PTPRG: variants seen among roughly 807,000 people sequenced by gnomAD.
PTPRG encodes receptor-type tyrosine-protein phosphatase gamma.
In PTPRG, 102 loss-of-function variants were observed where a neutral mutation model predicts 165.3. That is an observed-to-expected ratio of 0.62 (90% CI 0.53 to 0.73). PTPRG has a LOEUF of 0.73. Among genes scored for constraint, PTPRG ranks in the 30% least tolerant of loss-of-function variants. The pLI is 0.00. For missense variants in PTPRG, 1,866 were observed against 1,861.4 expected (o/e 1.00, Z -0.05); for synonymous variants, 675 against 669.5 (o/e 1.01, Z -0.13).
At chr3:62,256,748 CAATT>C (rs1701545220) in intron 16 of PTPRG, among the ~76,000 whole-genome samples, 1 of 152,144 alleles carries the variant, frequency 6.6e-6, no homozygotes, top group South Asian at 2.1e-4. Context: ...TCCAGTTTCT[CAATT>C]ATTTATGATT....
chr3:61,679,039 A>G (rs981506859), intron 1 of PTPRG, among the ~76,000 whole-genome samples: 8 of 152,262 alleles, frequency 5.3e-5, no homozygotes, highest in Non-Finnish European at 1.2e-4. Context: ...AGGGAAGAAT[A>G]TTCACAAAGG....
chr3:61,568,953 A>C (rs58405467), intron 1 of PTPRG, among the ~76,000 whole-genome samples: 9 of 152,002 alleles, frequency 5.9e-5, no homozygotes, highest in Admixed American at 3.3e-4. Context: ...AGGGATAGGA[A>C]GAGGAATGAC....
chr3:62,205,062 A>G (rs547954960), intron 12 of PTPRG, among the ~76,000 whole-genome samples: 1 of 152,158 alleles, frequency 6.6e-6, no homozygotes, highest in South Asian at 2.1e-4. Flanking sequence ...AAACATTAAA[A>G]TTCATCTAAA....
intron 1 of PTPRG, among the ~76,000 whole-genome samples, chr3:61,692,483 C>G (rs2030284233): frequency 6.6e-6 from 1 of 152,178 alleles, no homozygotes; most frequent in Non-Finnish European, 1.5e-5. Context: ...TCATGCGCGT[C>G]CGTGTGAAGA....
At chr3:61,642,143 A>G (rs960458406) in intron 1 of PTPRG, among the ~76,000 whole-genome samples, 1 of 152,110 alleles carries the variant, frequency 6.6e-6, no homozygotes, top group Non-Finnish European at 1.5e-5. Flanking sequence ...ACCCCGAGTT[A>G]TTAAATTGGT....
At chr3:62,067,406 C>T (rs1051392056) in intron 4 of PTPRG, among the ~76,000 whole-genome samples, 15 of 151,994 alleles carry the variant, frequency 9.9e-5, no homozygotes, top group African/African-American at 3.6e-4. Context: ...CTTTTTGGCA[C>T]GAGGGACCGG....
rs773386198 is a variant in PTPRG, at chr3:62,190,536, A to C, written c.1034-933A>C. On this transcript the variant is annotated intron_variant, in intron 8 of 29. Coordinates refer to ENST00000474889, the MANE Select transcript of PTPRG (RefSeq NM_002841.4). The surrounding 1 kb of genome is among the most constrained non-coding windows in gnomAD (Gnocchi z 5.2). Reference sequence around the variant, plus strand: ...TAGATTTAGATCCACCGTGTCCCTTAAACCTCTCAGCCCCAAGGAATAAGA... The same window carrying C: ...TAGATTTAGATCCACCGTGTCCCTTCAACCTCTCAGCCCCAAGGAATAAGA... Among the ~76,000 whole-genome samples the C allele has an allele frequency of 6.6e-6, 1 of 152,132 alleles. No homozygotes were observed. The highest frequency in any genetic ancestry group is 2.4e-5 in the African/African-American group (1 of 41,414).
chr3:61,738,807 C>G (rs2032864130), intron 1 of PTPRG, among the ~76,000 whole-genome samples: 1 of 151,954 alleles, frequency 6.6e-6, no homozygotes, highest in South Asian at 2.1e-4. Flanking sequence ...CAAGGTCTTG[C>G]CCTGTTGCCC....
chr3:61,875,793 A>G (rs770231978), intron 2 of PTPRG, among the ~76,000 whole-genome samples: 5 of 152,100 alleles, frequency 3.3e-5, no homozygotes, highest in Non-Finnish European at 5.9e-5. Flanking sequence ...AGTTGGATAT[A>G]TATTCTTTTT....
At chr3:62,103,893 C>G (rs1702381587) in intron 5 of PTPRG, among the ~76,000 whole-genome samples, 1 of 152,166 alleles carries the variant, frequency 6.6e-6, no homozygotes, top group Non-Finnish European at 1.5e-5. Flanking sequence ...TTGCATTTTA[C>G]CAAGAGTTGC....
intron 4 of PTPRG, 40 bp downstream of exon 4, chr3:62,003,537 G>A (rs1284823034): frequency 2.5e-6 from 4 of 1,607,278 alleles, no homozygotes; most frequent in Non-Finnish European, 3.4e-6. Context: ...GCTGTGCTTC[G>A]GTCTTTATGT....
At chr3:61,961,787 T>C (rs1468313289) in intron 2 of PTPRG, among the ~76,000 whole-genome samples, 2 of 152,164 alleles carry the variant, frequency 1.3e-5, no homozygotes, top group African/African-American at 4.8e-5. Flanking sequence ...CCCAGGGGAC[T>C]TGTAAGAAAC....
At position 61,635,932 on chromosome 3, in the gene PTPRG, A is replaced by G. The variant is rs775448662; in HGVS notation, c.85+73560A>G. Among the ~76,000 whole-genome samples, 197 of 152,294 alleles carry G rather than the reference A, an allele frequency of 1.3e-3. 6 individuals carry two copies. Among genetic ancestry groups the G allele is most frequent in the Non-Finnish European group, 2.5e-4 (17 of 68,022 alleles). ...TTTTTGATAGTGTGTTTTATTTTCC[A>G]AATCCCAAGAATCTGTGAAATTAGT... On this transcript the variant is annotated intron_variant, in intron 1 of 29. Coordinates refer to ENST00000474889, the MANE Select transcript of PTPRG (RefSeq NM_002841.4).
intron 5 of PTPRG, among the ~76,000 whole-genome samples, chr3:62,103,201 T>C (rs887809715): frequency 2.0e-5 from 3 of 147,238 alleles, no homozygotes; most frequent in African/African-American, 7.6e-5. Context: ...CTCAAGACTG[T>C]GATCTTTCTG....
At chr3:62,016,395 T>C (rs969966202) in intron 4 of PTPRG, among the ~76,000 whole-genome samples, 1 of 152,144 alleles carries the variant, frequency 6.6e-6, no homozygotes, top group Non-Finnish European at 1.5e-5. Context: ...CTCGAACTCC[T>C]GACCTCGTGA....
intron 1 of PTPRG, among the ~76,000 whole-genome samples, chr3:61,578,963 A>G (rs1332642622): frequency 1.3e-5 from 2 of 152,192 alleles, no homozygotes; most frequent in East Asian, 1.9e-4. Flanking sequence ...CAAGGATGTT[A>G]AAGTCTTGCA....
intron 4 of PTPRG, among the ~76,000 whole-genome samples, chr3:62,048,720 G>T (rs1331787244): frequency 6.6e-6 from 1 of 152,250 alleles, no homozygotes; most frequent in South Asian, 2.1e-4. Flanking sequence ...AATCCTAGTG[G>T]TCCTTTATTC....
chr3:61,857,524 C>T (rs1367275702), intron 2 of PTPRG, among the ~76,000 whole-genome samples: 2 of 152,072 alleles, frequency 1.3e-5, no homozygotes, highest in African/African-American at 2.4e-5. Flanking sequence ...CCCAGCACAG[C>T]GTATTGACAG....
chr3:61,858,740 A>T (rs1484841491), intron 2 of PTPRG, among the ~76,000 whole-genome samples: 1 of 152,170 alleles, frequency 6.6e-6, no homozygotes, highest in Non-Finnish European at 1.5e-5. Flanking sequence ...GGGCAGCTCA[A>T]TGCCTTCTTT....
Sources: allele counts gnomAD v4.1 joint callset (sites outside exome capture counted in the v4.1 genomes callset), GRCh38; gene constraint gnomAD v4.1.1; non-coding constraint Gnocchi (gnomAD v3.1); transcripts MANE v1.5; gene names NCBI Gene and HGNC (gene_info 2026-07-23, HGNC 2026-07-21).